The following TMEM163 variants were observed in gnomAD, a reference collection of about 807,000 sequenced individuals.
TMEM163 encodes transmembrane protein 163.
A neutral mutation model predicts 29.3 loss-of-function variants in TMEM163; 17 were observed. That is an observed-to-expected ratio of 0.58 (90% CI 0.40 to 0.87). The LOEUF (loss-of-function observed/expected upper bound fraction) is 0.87. Ranked by LOEUF, TMEM163 falls within the 40% of genes least tolerant of loss-of-function variation. The pLI is 0.00. For missense variants in TMEM163, 303 were observed against 381.5 expected (o/e 0.79, Z 1.71); for synonymous variants, 157 against 160.6 (o/e 0.98, Z 0.17).
intron 4 of TMEM163, among the ~76,000 whole-genome samples, chr2:134,530,795 T>A (rs1680399388): frequency 6.6e-6 from 1 of 152,206 alleles, no homozygotes; most frequent in African/African-American, 2.4e-5. Context: ...AAGTAATTAT[T>A]TCTGGAAAGT....
intron 5 of TMEM163, among the ~76,000 whole-genome samples, chr2:134,500,731 G>A (rs74264897): frequency 0.11 from 16,777 of 152,106 alleles, 1,187 homozygotes; most frequent in South Asian, 0.2. Flanking sequence ...GACACACAAA[G>A]ACAAGCATCA....
intron 2 of TMEM163, among the ~76,000 whole-genome samples, chr2:134,613,993 T>A (rs1682558223): frequency 1.3e-5 from 2 of 152,096 alleles, no homozygotes; most frequent in South Asian, 4.1e-4. Context: ...AAATTTTATA[T>A]GAAAGGAAAA....
intron 2 of TMEM163, among the ~76,000 whole-genome samples, chr2:134,703,585 A>G (rs1473410542): frequency 6.6e-6 from 1 of 152,200 alleles, no homozygotes; most frequent in African/African-American, 2.4e-5. Flanking sequence ...GCAGGAAGTC[A>G]GTCTGCTTGT....
At chr2:134,507,126 C>G (rs949481507) in intron 4 of TMEM163, among the ~76,000 whole-genome samples, 1 of 152,028 alleles carries the variant, frequency 6.6e-6, no homozygotes, top group Non-Finnish European at 1.5e-5. Flanking sequence ...CACCTGAGGT[C>G]GGGAGGTCAA....
At chr2:134,718,222 CCTT>C (rs1304162249) in intron 1 of TMEM163, among the ~76,000 whole-genome samples, 1 of 152,266 alleles carries the variant, frequency 6.6e-6, no homozygotes, top group Non-Finnish European at 1.5e-5. Flanking sequence ...TCGCTCCCCT[CCTT>C]GCGCCCTTCG....
At chr2:134,590,992 A>C (rs1681923903) in intron 2 of TMEM163, among the ~76,000 whole-genome samples, 2 of 152,336 alleles carry the variant, frequency 1.3e-5, no homozygotes, top group Admixed American at 1.3e-4. Context: ...GGAAAGTTCC[A>C]TTCCCTGACA....
chr2:134,456,530 T>G lies in TMEM163; in HGVS notation c.*186A>C. The stretch of plus-strand genomic sequence containing the variant: ...TTCCTATGGGCATTGTCCCAACATG[T>G]TTGATGGGGGCGGCAGGTGATGGGG... On this transcript the variant is annotated 3_prime_UTR_variant, in exon 8 of 8. Coordinates refer to ENST00000281924, the MANE Select transcript of TMEM163 (RefSeq NM_030923.5). 1 of 653,594 alleles carries G rather than the reference T, an allele frequency of 1.5e-6. No individual in the cohort carries two copies. The highest frequency in any genetic ancestry group is 1.8e-5 in the South Asian group (1 of 54,966). The allele number at this position is 653,594 out of a possible 1,614,324, so 40.5% of individuals were successfully genotyped here.
intron 4 of TMEM163, among the ~76,000 whole-genome samples, chr2:134,504,709 T>A (rs1679781887): frequency 6.6e-6 from 1 of 152,188 alleles, no homozygotes; most frequent in South Asian, 2.1e-4. Flanking sequence ...GTGAGCAACG[T>A]GGCCCCATGA....
In TMEM163 at chr2:134,460,412, C is replaced by T. The variant is rs907796210; in HGVS notation, c.668-2239G>A. 6.6e-6 allele frequency among the ~76,000 whole-genome samples: 1 copy of T among 152,174 alleles called. No homozygotes were observed. Among genetic ancestry groups the T allele is most frequent in the Non-Finnish European group, 1.5e-5 (1 of 68,034 alleles). On this transcript the variant is annotated intron_variant, in intron 6 of 7. Coordinates refer to ENST00000281924, the MANE Select transcript of TMEM163 (RefSeq NM_030923.5). This position sits in a 1 kb window ranked among gnomAD's most constrained non-coding sequence, Gnocchi z 4.3. ...CTCCTGCCTCCAGCTAACAGGCGAG[C>T]TTTGCCATTTTAACCGCCCCCCTCC...
At chr2:134,546,339 A>G (rs1000909708) in intron 4 of TMEM163, among the ~76,000 whole-genome samples, 16 of 152,188 alleles carry the variant, frequency 1.1e-4, no homozygotes, top group Non-Finnish European at 2.9e-5. Context: ...TATATTTACA[A>G]TAGAATATTA....
intron 2 of TMEM163, among the ~76,000 whole-genome samples, chr2:134,609,141 C>G (rs1682431876): frequency 4.5e-5 from 1 of 22,228 alleles, no homozygotes; most frequent in African/African-American, 1.6e-4. Context: ...ACCCCGAGAA[C>G]TGTGCTGGTG....
rs10660772 is a variant in TMEM163 at position 134,661,162 on chromosome 2, GCTCT to G, written c.322+52034_322+52037del. On this transcript the variant is annotated intron_variant, in intron 2 of 7. Coordinates refer to ENST00000281924, the MANE Select transcript of TMEM163 (RefSeq NM_030923.5). ...ACAAACACACACACAGCTCTTGCTT[GCTCT>G]CTCTCTCTCTCTCTCTCCCATGAGA... 5.3e-4 allele frequency among the ~76,000 whole-genome samples: 80 copies of G among 150,204 alleles called. No homozygotes were observed. In the East Asian group the frequency reaches 0.012, roughly 23 times the overall value.
At chr2:134,629,806 A>C (rs1682929742) in intron 2 of TMEM163, among the ~76,000 whole-genome samples, 1 of 152,212 alleles carries the variant, frequency 6.6e-6, no homozygotes, top group Admixed American at 6.5e-5. Flanking sequence ...GTATCAATTC[A>C]GAATTCGTGA....
At chr2:134,519,908 AAT>A (rs1237029726) in intron 4 of TMEM163, among the ~76,000 whole-genome samples, 2 of 151,160 alleles carry the variant, frequency 1.3e-5, no homozygotes, top group African/African-American at 4.9e-5. Context: ...AAAAAAAAAA[AAT>A]TCCCACACAC....
intron 5 of TMEM163, among the ~76,000 whole-genome samples, chr2:134,475,385 C>T (rs1598281): frequency 0.024 from 3,696 of 152,198 alleles, 116 homozygotes; most frequent in African/African-American, 0.07. Context: ...GACTGCAGAT[C>T]TCAAAGTGAA....
chr2:134,623,866 T>C (rs1467533603), intron 2 of TMEM163, among the ~76,000 whole-genome samples: 1 of 152,228 alleles, frequency 6.6e-6, no homozygotes, highest in Non-Finnish European at 1.5e-5. Context: ...TTCTAGCCTC[T>C]GACCCCGAAT....
At chr2:134,536,065 G>C (rs1045507629) in intron 4 of TMEM163, among the ~76,000 whole-genome samples, 1 of 152,132 alleles carries the variant, frequency 6.6e-6, no homozygotes, top group African/African-American at 2.4e-5. Context: ...ATATTTAGAC[G>C]GAGGGCGCAC....
intron 2 of TMEM163, among the ~76,000 whole-genome samples, chr2:134,712,258 C>T (rs1684942448): frequency 6.6e-6 from 1 of 151,770 alleles, no homozygotes; most frequent in South Asian, 2.1e-4. Flanking sequence ...GGGAGCCAAC[C>T]CCAACTTCCA....
At chr2:134,535,502 C>G (rs1363093820) in intron 4 of TMEM163, among the ~76,000 whole-genome samples, 2 of 152,134 alleles carry the variant, frequency 1.3e-5, no homozygotes, top group Non-Finnish European at 2.9e-5. Flanking sequence ...ATTTCCCCCT[C>G]TAGTGGTTTG....
Sources: gnomAD v4.1 joint callset for allele counts (sites outside exome capture counted in the v4.1 genomes callset) on GRCh38, gnomAD v4.1.1 for gene constraint, Gnocchi (gnomAD v3.1) non-coding constraint, MANE v1.5 for transcripts, NCBI Gene and HGNC (gene_info 2026-07-23, HGNC 2026-07-21) for gene names.